Variants in RPS2 observed in about 807,000 individuals in gnomAD.
RPS2 encodes the protein ribosomal protein S2.
A neutral mutation model predicts 25.3 loss-of-function variants in RPS2; 8 were observed. That is an observed-to-expected ratio of 0.32 (90% CI 0.19 to 0.57). The LOEUF (loss-of-function observed/expected upper bound fraction) is 0.57, where lower values mean the gene tolerates loss of function less well. Among genes scored for constraint, RPS2 ranks in the 20% least tolerant of loss-of-function variants. The pLI is 0.90. For synonymous variants in RPS2, 181 were observed against 161.3 expected (o/e 1.12, Z -0.92); for missense variants, 229 against 408.1 (o/e 0.56, Z 3.78).
chr16:1,963,587 T>C (rs72764891), intron 3 of RPS2: 52,751 of 347,332 alleles, frequency 0.15, 5,081 homozygotes, highest in South Asian at 0.28. Flanking sequence ...GCCTAGGCGA[T>C]AGGGCGAAAC....
intron 6 of RPS2, 63 bp downstream of exon 6, chr16:1,962,434 T>C (rs757759922): frequency 6.7e-7 from 1 of 1,491,108 alleles, no homozygotes; most frequent in Non-Finnish European, 9.4e-7. Context: ...AAGCACACAC[T>C]GGACCCGTGT....
Position 1,964,342 on chromosome 16 carries a change from G to A in RPS2, c.201C>T (p.Gly67=), listed in dbSNP as rs1457103787. 1.9e-6 allele frequency: 3 copies of A among 1,613,398 alleles called. No individual in the cohort carries two copies. Among genetic ancestry groups the A allele is most frequent in the Non-Finnish European group, 2.5e-6 (3 of 1,179,934 alleles). Residue 67 remains glycine, a synonymous_variant, in exon 3 of 7, where the codon GGC becomes GGT. Transcript: ENST00000343262. ...TGATCTTCATGTCCTTGACCAAGCGGCCCAACTTGGTGACGGGCATCCACT... is the reference window on the plus strand; with the variant it reads ...TGATCTTCATGTCCTTGACCAAGCGACCCAACTTGGTGACGGGCATCCACT... The part of the protein sequence containing the change: ...DKEWMPVTKL[G]RLVKDMKIKS...
intron 4 of RPS2, 87 bp from the exon 5 acceptor site, chr16:1,962,996 G>C: frequency 6.7e-7 from 1 of 1,486,732 alleles, no homozygotes; most frequent in Non-Finnish European, 9.3e-7. Flanking sequence ...CTCAAGGAAA[G>C]AGAGGCCACA....
rs773928622 is a variant in RPS2, at chr16:1,964,312, G to A, written c.231C>T (p.Ser77=). ...GGGAGAAGAGATAGATCTCCTCCAG[G>A]GACTTGATCTTCATGTCCTTGACCA... The part of the protein sequence containing the change: ...GRLVKDMKIK[S]LEEIYLFSLP... Residue 77 remains serine, a synonymous_variant, in exon 3 of 7, where the codon TCC becomes TCT. Coordinates refer to ENST00000343262, the MANE Select transcript of RPS2 (RefSeq NM_002952.4). 7.4e-6 allele frequency: 12 copies of A among 1,613,534 alleles called. No individual in the cohort carries two copies. Among genetic ancestry groups the A allele is most frequent in the South Asian group, 2.2e-5 (2 of 91,082 alleles).
In RPS2 at chr16:1,964,507, C is replaced by A; in HGVS notation, c.119G>T (p.Arg40Leu). ...GSGIRGRGRG[R>L]GRGRGRGRGA... ...GCGGCCTCGGCCCCGGCCCCGTCCA[C>A]GGCCGCGACCCCGGCCCCGGATGCC... is the stretch of plus-strand genomic sequence containing the variant. Residue 40 changes from arginine to leucine, a missense_variant, in exon 2 of 7, where the codon CGT (arginine) becomes CTT (leucine). This residue lies in a region of RPS2 where 70 missense variants were observed against 119.0 expected (regional missense o/e 0.59). Transcript: ENST00000343262. 1 of 1,599,198 alleles carries A rather than the reference C, an allele frequency of 6.3e-7. No homozygotes were observed. The highest frequency in any genetic ancestry group is 1.1e-5 in the South Asian group (1 of 90,182).
intron 3 of RPS2, 79 bp from the exon 4 acceptor site, chr16:1,963,335 C>T (rs752255335): frequency 1.5e-5 from 14 of 924,530 alleles, no homozygotes; most frequent in South Asian, 3.4e-5. Flanking sequence ...ACCAAAGTCA[C>T]GGCCGGGGGC....
rs773241417 is a variant in RPS2, at chr16:1,964,564, T to C, written c.62A>G (p.Asn21Ser). Residue 21 changes from asparagine (N) to serine (S), a missense_variant, in exon 2 of 7, where the codon AAC becomes AGC. This residue lies in a region of RPS2 where 70 missense variants were observed against 119.0 expected (regional missense o/e 0.59). Transcript: ENST00000343262. ...GAAACCTCCGCGGAAGCCACCGCGGTTCCCCATCCCAGGGCCACCAGGGCC... is the reference window on the plus strand; with the variant it reads ...GAAACCTCCGCGGAAGCCACCGCGGCTCCCCATCCCAGGGCCACCAGGGCC... ...PGGPGGPGMG[N>S]RGGFRGGFGS... 21 of 1,588,402 alleles carry C rather than the reference T, an allele frequency of 1.3e-5. No homozygotes were observed. The highest frequency in any genetic ancestry group is 1.7e-5 in the Non-Finnish European group (20 of 1,168,496).
chr16:1,963,615 C>T (rs1328164560), intron 3 of RPS2: 2 of 342,758 alleles, frequency 5.8e-6, no homozygotes, highest in Admixed American at 3.9e-5. Flanking sequence ...CCGCCCACCC[C>T]GCCCAAAAAA....
Position 1,962,798 on chromosome 16 carries a change from C to A in RPS2, c.487G>T (p.Val163Phe), listed in dbSNP as rs1227600615. The part of the protein sequence containing the change: ...GAIILAKLSI[V>F]PVRRGYWGNK... Reference sequence around the variant, plus strand: ...CCCCAGTAGCCTCTGCGCACGGGGACGATGGAGAGCTTGGCCAGGATGATG... The same window carrying A: ...CCCCAGTAGCCTCTGCGCACGGGGAAGATGGAGAGCTTGGCCAGGATGATG... The change falls in exon 5 of 7, where the codon GTC (valine) becomes TTC (phenylalanine). Residue 163 changes from valine to phenylalanine, a missense_variant. By Grantham distance (50) the Val-to-Phe change is conservative. Around this residue, in one of 7 missense-constraint regions of RPS2, gnomAD observed 79 missense variants for 159.0 expected, o/e 0.50. Coordinates refer to ENST00000343262, the MANE Select transcript of RPS2 (RefSeq NM_002952.4). 6.2e-7 allele frequency: 1 copy of A among 1,611,242 alleles called. No homozygotes were observed. Among genetic ancestry groups the A allele is most frequent in the Non-Finnish European group, 8.5e-7 (1 of 1,179,402 alleles).
intron 1 of RPS2, 40 bp downstream of exon 1, chr16:1,964,767 G>T (rs1567318809): frequency 4.1e-5 from 23 of 556,892 alleles, no homozygotes; most frequent in Non-Finnish European, 5.9e-5. Flanking sequence ...GATTCCCGCC[G>T]CCCACGCAGA....
chr16:1,962,693 G>T, intron 5 of RPS2, 37 bp from the exon 6 acceptor site: 1 of 1,588,058 alleles, frequency 6.3e-7, no homozygotes, highest in African/African-American at 1.3e-5. Context: ...GGGGCCCGAG[G>T]GAGCCTGCCC....
chr16:1,964,064 C>A (rs1381861536), intron 3 of RPS2: 2 of 582,420 alleles, frequency 3.4e-6, no homozygotes, highest in Non-Finnish European at 6.2e-6. Context: ...GGAAGATGCG[C>A]TGAAATGCCT....
chr16:1,964,395 G>A (rs367757280), intron 2 of RPS2, 30 bp from the exon 3 acceptor site: 13 of 1,613,146 alleles, frequency 8.1e-6, no homozygotes, highest in Non-Finnish European at 1.1e-5. Flanking sequence ...CAGTGACCAG[G>A]ACCGCTCTCC....
intron 3 of RPS2, 136 bp from the exon 4 acceptor site, chr16:1,963,392 C>G: frequency 1.7e-6 from 1 of 605,728 alleles, no homozygotes; most frequent in South Asian, 2.0e-5. Flanking sequence ...CTGAGGTGGG[C>G]GGATCACAAG....
At chr16:1,964,173 C>T (rs1034577165) in intron 3 of RPS2, 103 bp downstream of exon 3, 2 of 860,734 alleles carry the variant, frequency 2.3e-6, no homozygotes, top group South Asian at 1.5e-5. Context: ...ACGCGAGACG[C>T]TGGGCCCTTT....
In RPS2 at chr16:1,964,583, C is replaced by T. The variant is rs1197854287; in HGVS notation, c.43G>A (p.Gly15Ser). 11 of 1,563,438 alleles carry T rather than the reference C, an allele frequency of 7.0e-6. No individual in the cohort carries two copies. The East Asian group carries it at 2.3e-4, about 33-fold the overall frequency. ...CCGCGGTTCCCCATCCCAGGGCCACCAGGGCCCCCGGGCCCCCCCGCTGCA... is the reference window on the plus strand; with the variant it reads ...CCGCGGTTCCCCATCCCAGGGCCACTAGGGCCCCCGGGCCCCCCCGCTGCA... The part of the protein sequence containing the change: ...AGAAGGPGGP[G>S]GPGMGNRGGF... Residue 15 changes from glycine (G) to serine (S), a missense_variant, in exon 2 of 7, where the codon GGT becomes AGT. Physicochemically the swap from Gly to Ser is moderately conservative, Grantham distance 56. Coordinates refer to ENST00000343262, the MANE Select transcript of RPS2 (RefSeq NM_002952.4).
chr16:1,963,282 G>T, intron 3 of RPS2, 26 bp from the exon 4 acceptor site: 1 of 1,410,610 alleles, frequency 7.1e-7, no homozygotes. Flanking sequence ...AAATTGTAGG[G>T]AGAGCATTAA....
At chr16:1,963,396 T>A (rs1290387584) in intron 3 of RPS2, 140 bp from the exon 4 acceptor site, 1 of 604,784 alleles carries the variant, frequency 1.7e-6, no homozygotes, top group African/African-American at 1.9e-5. Context: ...GGTGGGCGGA[T>A]CACAAGGTCA....
At chr16:1,963,111 G>A in intron 4 of RPS2, 38 bp downstream of exon 4, 2 of 1,518,284 alleles carry the variant, frequency 1.3e-6, no homozygotes, top group Non-Finnish European at 9.1e-7. Context: ...GAGAGTCCCG[G>A]CAAGCCCAGC....
Sources: allele counts gnomAD v4.1 joint callset, GRCh38; gene constraint gnomAD v4.1.1; regional missense constraint gnomAD v4.1.1; transcripts MANE v1.5; gene names NCBI Gene and HGNC (gene_info 2026-07-23, HGNC 2026-07-21).